Variants in GSK3B observed in about 807,000 individuals in gnomAD.
The protein encoded by GSK3B is glycogen synthase kinase 3 beta, also known as glycogen synthase kinase-3 beta.
Under a neutral mutation model 56.4 loss-of-function variants are expected in GSK3B, and 15 were observed. The ratio of observed to expected loss-of-function variants is 0.27; its 90% confidence interval spans 0.18 to 0.41. GSK3B has a LOEUF of 0.41. GSK3B is among the 10% of genes least tolerant of loss of function. The probability of loss-of-function intolerance (pLI) is 1.00; values close to 1 mark genes in which losing one functional copy is unlikely to be tolerated. For missense variants in GSK3B, 300 were observed against 513.4 expected (o/e 0.58, Z 4.02); for synonymous variants, 181 against 188.9 (o/e 0.96, Z 0.34).
chr3:119,950,930 A>C (rs1236383288), intron 2 of GSK3B, among the ~76,000 whole-genome samples: 2 of 152,210 alleles, frequency 1.3e-5, no homozygotes, highest in South Asian at 2.1e-4. Context: ...ATGGTCATTT[A>C]GGATAGAGAG....
intron 8 of GSK3B, among the ~76,000 whole-genome samples, chr3:119,865,209 T>G (rs74913853): frequency 0.026 from 3,905 of 151,962 alleles, 173 homozygotes; most frequent in African/African-American, 0.088. Context: ...TGCTTCTGTT[T>G]GATAGTATAT....
At chr3:119,871,204 G>C (rs919687965) in intron 8 of GSK3B, among the ~76,000 whole-genome samples, 1 of 152,180 alleles carries the variant, frequency 6.6e-6, no homozygotes, top group Non-Finnish European at 1.5e-5. Flanking sequence ...TAATTCCTTT[G>C]AAAGCTGAAA....
chr3:120,014,508 A>G (rs571639593), intron 1 of GSK3B, among the ~76,000 whole-genome samples: 13 of 152,300 alleles, frequency 8.5e-5, no homozygotes, highest in Non-Finnish European at 1.6e-4. Context: ...CTGCTTATAT[A>G]TGTTGGAACA....
chr3:119,991,340 G>A (rs1252653227), intron 2 of GSK3B, among the ~76,000 whole-genome samples: 1 of 151,930 alleles, frequency 6.6e-6, no homozygotes, highest in East Asian at 1.9e-4. Context: ...ACAGTATGAT[G>A]GACAACAGTG....
intron 2 of GSK3B, among the ~76,000 whole-genome samples, chr3:119,968,352 A>G (rs1279566249): frequency 2.0e-5 from 3 of 152,200 alleles, no homozygotes; most frequent in Non-Finnish European, 2.9e-5. Context: ...AACATTATAA[A>G]AAAGGAAAAC....
chr3:119,967,514 C>A (rs1433887369), intron 2 of GSK3B, among the ~76,000 whole-genome samples: 1 of 152,018 alleles, frequency 6.6e-6, no homozygotes, highest in Non-Finnish European at 1.5e-5. Context: ...TTTACAAAGA[C>A]AAAGTAATCA....
chr3:120,003,567 C>A (rs2057698126), intron 1 of GSK3B, among the ~76,000 whole-genome samples: 1 of 151,994 alleles, frequency 6.6e-6, no homozygotes, highest in Admixed American at 6.6e-5. Context: ...TTCCAATTAA[C>A]CTAATAAAAG....
chr3:119,835,260 G>A (rs894987654), intron 10 of GSK3B, among the ~76,000 whole-genome samples: 3 of 152,210 alleles, frequency 2.0e-5, no homozygotes, highest in Non-Finnish European at 2.9e-5. Flanking sequence ...AACTGACAGC[G>A]GGACAAACTT....
intron 3 of GSK3B, among the ~76,000 whole-genome samples, chr3:119,944,384 C>G (rs1316665945): frequency 6.6e-6 from 1 of 152,158 alleles, no homozygotes; most frequent in Non-Finnish European, 1.5e-5. Context: ...ACTGAAACCT[C>G]AAGAAGAAAA....
chr3:119,901,044 G>C (rs1203589621), intron 7 of GSK3B, among the ~76,000 whole-genome samples: 1 of 152,056 alleles, frequency 6.6e-6, no homozygotes, highest in African/African-American at 2.4e-5. Context: ...AGCCTGCACA[G>C]GACTCTCTTC....
Position 120,077,318 on chromosome 3 carries a change from A to AT in GSK3B, c.88+16028dup, listed in dbSNP as rs546065306. Among the ~76,000 whole-genome samples the AT allele has an allele frequency of 3.7e-3, 559 of 152,346 alleles. 5 individuals are homozygous for AT. The highest frequency in any genetic ancestry group is 0.013 in the African/African-American group (548 of 41,586). ...GTTAAACTTCAGTGTGTGTATATAT[A>AT]TATGTGTGTGTGTACACACACATAT... On this transcript the variant is annotated intron_variant, in intron 1 of 10. Transcript: ENST00000264235.
At chr3:120,081,894 T>C (rs1460498220) in intron 1 of GSK3B, among the ~76,000 whole-genome samples, 1 of 152,126 alleles carries the variant, frequency 6.6e-6, no homozygotes, top group Non-Finnish European at 1.5e-5. Flanking sequence ...TTTCATGCCT[T>C]GAGATAAGCA....
At chr3:119,945,344 T>A (rs1391084151) in intron 3 of GSK3B, among the ~76,000 whole-genome samples, 1 of 152,194 alleles carries the variant, frequency 6.6e-6, no homozygotes, top group Non-Finnish European at 1.5e-5. Flanking sequence ...AAGAGAAAGT[T>A]CTGACATAAA....
At chr3:119,947,434 T>C in intron 2 of GSK3B, 83 bp from the exon 3 acceptor site, 1 of 880,896 alleles carries the variant, frequency 1.1e-6, no homozygotes, top group Non-Finnish European at 1.8e-6. Flanking sequence ...GAAATAACAT[T>C]AAGCACTAAA....
At chr3:119,988,134 G>A (rs2057533318) in intron 2 of GSK3B, among the ~76,000 whole-genome samples, 1 of 152,120 alleles carries the variant, frequency 6.6e-6, no homozygotes, top group Non-Finnish European at 1.5e-5. Context: ...TGTAACATCA[G>A]AATAGAGGAA....
At chr3:120,005,896 A>G (rs2107488794) in intron 1 of GSK3B, among the ~76,000 whole-genome samples, 2 of 152,350 alleles carry the variant, frequency 1.3e-5, no homozygotes, top group Middle Eastern at 6.8e-3. Flanking sequence ...AGCTAGCATC[A>G]TAATGACAGG....
intron 2 of GSK3B, among the ~76,000 whole-genome samples, chr3:119,984,095 C>T (rs1219944060): frequency 6.6e-6 from 1 of 152,164 alleles, no homozygotes; most frequent in Non-Finnish European, 1.5e-5. Flanking sequence ...ACAACTTGCT[C>T]CTGAATGACT....
At chr3:119,890,617 A>G in intron 7 of GSK3B, among the ~76,000 whole-genome samples, 1 of 152,046 alleles carries the variant, frequency 6.6e-6, no homozygotes, top group Non-Finnish European at 1.5e-5. Flanking sequence ...GGGTGATAGA[A>G]ATGTTCTAAA....
chr3:119,925,291 G>A (rs1175462316), intron 3 of GSK3B, among the ~76,000 whole-genome samples: 2 of 152,188 alleles, frequency 1.3e-5, no homozygotes, highest in African/African-American at 4.8e-5. Context: ...ATCATGCCAT[G>A]CACTCCAGTC....
Sources: allele counts gnomAD v4.1 joint callset (sites outside exome capture counted in the v4.1 genomes callset), GRCh38; gene constraint gnomAD v4.1.1; transcripts MANE v1.5; gene names NCBI Gene and HGNC (gene_info 2026-07-23, HGNC 2026-07-21).